The following PIK3C2A variants were observed in gnomAD, a reference collection of about 807,000 sequenced individuals.
PIK3C2A encodes the protein phosphatidylinositol 4-phosphate 3-kinase C2 domain-containing subunit alpha.
Under a neutral mutation model 204.5 loss-of-function variants are expected in PIK3C2A, and 97 were observed. That is an observed-to-expected ratio of 0.47 (90% CI 0.40 to 0.56). The LOEUF is 0.56. Among genes scored for constraint, PIK3C2A ranks in the 20% least tolerant of loss-of-function variants. The probability of loss-of-function intolerance (pLI) is 0.00; values close to 1 mark genes in which losing one functional copy is unlikely to be tolerated. For missense variants in PIK3C2A, 1,735 were observed against 1,969.2 expected (o/e 0.88, Z 2.25); for synonymous variants, 653 against 664.4 (o/e 0.98, Z 0.26).
At chr11:17,103,171 G>A (rs1848697351) in intron 23 of PIK3C2A, among the ~76,000 whole-genome samples, 2 of 146,490 alleles carry the variant, frequency 1.4e-5, no homozygotes, top group African/African-American at 5.0e-5. Flanking sequence ...TAGAATCGGT[G>A]AGGTGCAGGA....
At position 17,115,257 on chromosome 11, in the gene PIK3C2A, G is replaced by T. The variant is rs181129115; in HGVS notation, c.3217-792C>A. Among the ~76,000 whole-genome samples, 991 of 151,794 alleles carry T rather than the reference G, an allele frequency of 6.5e-3. 5 individuals are homozygous for T. Among genetic ancestry groups the T allele is most frequent in the Non-Finnish European group, 9.9e-3 (675 of 67,942 alleles). ...TGGTAATTAAAAAAAGTATAGGCTG[G>T]GTGGATGGCTCATATCTATAATCCT... On this transcript the variant is annotated intron_variant, in intron 19 of 32. Coordinates refer to ENST00000691414, the MANE Select transcript of PIK3C2A (RefSeq NM_002645.4).
chr11:17,138,691 C>A (rs1849957729), intron 8 of PIK3C2A, among the ~76,000 whole-genome samples: 1 of 152,116 alleles, frequency 6.6e-6, no homozygotes, highest in Non-Finnish European at 1.5e-5. Flanking sequence ...GTGGGCCATA[C>A]AGTCTCTGGC....
chr11:17,196,109 CA>C (rs899072056), intron 1 of PIK3C2A, among the ~76,000 whole-genome samples: 12 of 150,774 alleles, frequency 8.0e-5, no homozygotes, highest in Admixed American at 5.3e-4. Context: ...AGAAAAGAAA[CA>C]AAAAAAAATC....
rs554808932 is a variant in PIK3C2A, at chr11:17,091,598, G to A, written c.4701C>T (p.Ile1567=). ...GQIGGAVKLS[I]SYRNGTLFIM... ...TGAAAAGAGTACCATTTCGGTAAGAGATGGATAATTTCACAGCTCCTCCTA... is the reference window on the plus strand; with the variant it reads ...TGAAAAGAGTACCATTTCGGTAAGAAATGGATAATTTCACAGCTCCTCCTA... Residue 1567 remains isoleucine (I), a synonymous_variant, in exon 31 of 33, where the codon ATC becomes ATT. Transcript: ENST00000691414. The A allele has an allele frequency of 1.2e-6, 2 of 1,613,188 alleles. No individual in the cohort carries two copies. Among genetic ancestry groups the A allele is most frequent in the South Asian group, 2.2e-5 (2 of 91,052 alleles).
rs1346348791 is a variant in PIK3C2A at position 17,088,179 on chromosome 11, A to G, written c.*1559T>C. The G allele has an allele frequency of 6.6e-6, 1 of 152,156 alleles. No individual in the cohort carries two copies. Among genetic ancestry groups the G allele is most frequent in the East Asian group, 1.9e-4 (1 of 5,202 alleles). The allele number at this position is 152,156 out of a possible 1,614,324, so 9.4% of individuals were successfully genotyped here. ...TATTCTAACCATGAGTTCTTATTAT[A>G]TATATGTATATATCCAAATTAACAA... On this transcript the variant is annotated 3_prime_UTR_variant, in exon 33 of 33. Coordinates refer to ENST00000691414, the MANE Select transcript of PIK3C2A (RefSeq NM_002645.4).
chr11:17,175,764 TTAA>T (rs746578070), intron 1 of PIK3C2A, among the ~76,000 whole-genome samples: 1 of 152,182 alleles, frequency 6.6e-6, no homozygotes. Context: ...AAGAATTAAT[TTAA>T]AAGTTCTTGG....
At chr11:17,106,386 T>A (rs1172549824) in intron 22 of PIK3C2A, among the ~76,000 whole-genome samples, 1 of 152,082 alleles carries the variant, frequency 6.6e-6, no homozygotes, top group Non-Finnish European at 1.5e-5. Context: ...CGCTCCAGCC[T>A]GGACGACAGC....
chr11:17,180,079 G>A (rs1033669902), intron 1 of PIK3C2A, among the ~76,000 whole-genome samples: 5 of 152,136 alleles, frequency 3.3e-5, no homozygotes, highest in Non-Finnish European at 7.3e-5. Context: ...AAGCACCAAT[G>A]AATGTATTCA....
intron 1 of PIK3C2A, among the ~76,000 whole-genome samples, chr11:17,191,677 T>C (rs886632050): frequency 1.3e-5 from 2 of 152,152 alleles, no homozygotes; most frequent in Admixed American, 6.5e-5. Context: ...TTTTAGCAAG[T>C]TATCGAAACT....
intron 2 of PIK3C2A, among the ~76,000 whole-genome samples, chr11:17,165,277 T>C (rs1306027824): frequency 2.0e-5 from 3 of 152,134 alleles, no homozygotes; most frequent in Non-Finnish European, 2.9e-5. Flanking sequence ...GGGAAAGTTT[T>C]GAAAAAACTG....
At chr11:17,163,593 T>C (rs980751625) in intron 2 of PIK3C2A, among the ~76,000 whole-genome samples, 2 of 151,846 alleles carry the variant, frequency 1.3e-5, no homozygotes, top group Non-Finnish European at 2.9e-5. Context: ...ATTTTTTTTT[T>C]CTATAGACAC....
chr11:17,191,247 T>C (rs745522581), intron 1 of PIK3C2A, among the ~76,000 whole-genome samples: 6 of 152,208 alleles, frequency 3.9e-5, no homozygotes, highest in Admixed American at 1.3e-4. Context: ...ATGTCATACT[T>C]GACAGGAGTG....
At chr11:17,091,268 G>T in intron 32 of PIK3C2A, 66 bp downstream of exon 32, 1 of 1,453,048 alleles carries the variant, frequency 6.9e-7, no homozygotes, top group Non-Finnish European at 9.5e-7. Flanking sequence ...ACGCACGTCA[G>T]AACTTAAAAA....
chr11:17,105,048 C>T lies in PIK3C2A; in HGVS notation c.3681+121G>A, dbSNP rs532457559. On this transcript the variant is annotated intron_variant, in intron 23 of 32. Coordinates refer to ENST00000691414, the MANE Select transcript of PIK3C2A (RefSeq NM_002645.4). ...TCTTTCCTATACTTAGAAAAAGATGCTCTTTTCCTGACTTAGACTAAATGA... is the reference window on the plus strand; with the variant it reads ...TCTTTCCTATACTTAGAAAAAGATGTTCTTTTCCTGACTTAGACTAAATGA... The T allele has an allele frequency of 1.1e-4, 77 of 703,946 alleles. 1 individual carries two copies. In the Admixed American group the frequency reaches 1.8e-3, roughly 16 times the overall value. 43.6% of individuals were successfully genotyped at this position (703,946 alleles called of 1,614,324 possible).
At chr11:17,164,434 T>C (rs1348605729) in intron 2 of PIK3C2A, among the ~76,000 whole-genome samples, 1 of 151,900 alleles carries the variant, frequency 6.6e-6, no homozygotes, top group Non-Finnish European at 1.5e-5. Flanking sequence ...AATTATTAGA[T>C]GGGGTTTGAT....
At chr11:17,125,572 G>A (rs1472775193) in intron 13 of PIK3C2A, among the ~76,000 whole-genome samples, 3 of 151,632 alleles carry the variant, frequency 2.0e-5, no homozygotes, top group Admixed American at 6.6e-5. Flanking sequence ...GGAGTGTAGT[G>A]GTGCAATTTC....
chr11:17,176,103 A>G (rs1001323697), intron 1 of PIK3C2A, among the ~76,000 whole-genome samples: 1 of 151,410 alleles, frequency 6.6e-6, no homozygotes, highest in African/African-American at 2.4e-5. Context: ...TCCCGGATTC[A>G]GGGAATTCTC....
chr11:17,169,108 A>G lies in PIK3C2A; in HGVS notation c.634T>C (p.Leu212=), dbSNP rs775819766. ...PATPFHPQGS[L]PIYRPVVSTD... ...CTGACTACTGGACGATAGATAGGTA[A>G]GCTTCCTTGTGGATGAAAGGGTGTG... The change falls in exon 2 of 33, where the codon TTA becomes CTA. Residue 212 remains leucine, a synonymous_variant. Coordinates refer to ENST00000691414, the MANE Select transcript of PIK3C2A (RefSeq NM_002645.4). The G allele has an allele frequency of 5.4e-5, 87 of 1,614,106 alleles. No individual in the cohort carries two copies. In the East Asian group the frequency reaches 1.1e-3, roughly 21 times the overall value.
intron 2 of PIK3C2A, among the ~76,000 whole-genome samples, chr11:17,158,350 A>C (rs1850667694): frequency 6.7e-6 from 1 of 148,802 alleles, no homozygotes; most frequent in Middle Eastern, 3.3e-3. Context: ...CTCCGTCTCA[A>C]AAAAAAATAA....
Sources: gnomAD v4.1 joint callset for allele counts (sites outside exome capture counted in the v4.1 genomes callset) on GRCh38, gnomAD v4.1.1 for gene constraint, MANE v1.5 for transcripts, NCBI Gene and HGNC (gene_info 2026-07-23, HGNC 2026-07-21) for gene names.